Variants in PSMA6 observed in about 807,000 individuals in gnomAD.
PSMA6 encodes proteasome 20S subunit alpha 6.
For missense variants in PSMA6, 170 were observed against 294.8 expected (o/e 0.58, Z 3.10); for synonymous variants, 88 against 97.7 (o/e 0.90, Z 0.59).
chr14:35,295,208 G>A (rs1285513164), intron 1 of PSMA6, among the ~76,000 whole-genome samples: 6 of 151,642 alleles, frequency 4.0e-5, no homozygotes, highest in African/African-American at 1.2e-4. Flanking sequence ...TTGTGCTGGC[G>A]TGCCTGTAGT....
chr14:35,312,506 CAAAAAA>C lies in PSMA6; in HGVS notation c.410-354_410-349del, dbSNP rs200184285. ...TGGGAGACAGAGCGAGAGTCTGTCT[CAAAAAA>C]AAAAAAAAAAAAAAAAAAAAGTGTT... On this transcript the variant is annotated intron_variant, in intron 4 of 6. Coordinates refer to ENST00000261479, the MANE Select transcript of PSMA6 (RefSeq NM_002791.3). Among the ~76,000 whole-genome samples, 232 of 100,232 alleles carry C rather than the reference CAAAAAA, an allele frequency of 2.3e-3. 1 individual carries two copies. The highest frequency in any genetic ancestry group is 0.012 in the Admixed American group (122 of 10,488). The allele number at this position is 100,232 out of a possible 152,430, so 65.8% of individuals were successfully genotyped here. A position where few individuals can be genotyped will look rare whatever the true frequency, so the allele number is the denominator to read the frequency against.
chr14:35,295,945 C>T (rs1395098224), intron 1 of PSMA6, among the ~76,000 whole-genome samples: 1 of 152,120 alleles, frequency 6.6e-6, no homozygotes, highest in African/African-American at 2.4e-5. Flanking sequence ...CTTGTAGGCC[C>T]TTCTCTTCTG....
chr14:35,313,587 A>T (rs937815484), intron 5 of PSMA6: 2 of 152,286 alleles, frequency 1.3e-5, no homozygotes, highest in African/African-American at 4.8e-5. Context: ...AAGCTAGTTC[A>T]TGTTCAGGAA....
chr14:35,310,905 C>G lies in PSMA6; in HGVS notation c.409+10C>G, dbSNP rs1258206338. 1.9e-6 allele frequency: 3 copies of G among 1,606,370 alleles called. No homozygotes were observed. The highest frequency in any genetic ancestry group is 4.5e-5 in the East Asian group (2 of 44,750). ...AGGCCTCTTGGTTGTTGTAAGTATGCTAAGAGGTCTCCCAAATAATTGATG... is the reference window on the plus strand; with the variant it reads ...AGGCCTCTTGGTTGTTGTAAGTATGGTAAGAGGTCTCCCAAATAATTGATG... On this transcript the variant is annotated intron_variant, in intron 4 of 6. Transcript: ENST00000261479.
chr14:35,280,358 T>C (rs563428190), intron 1 of PSMA6, among the ~76,000 whole-genome samples: 21 of 151,938 alleles, frequency 1.4e-4, no homozygotes, highest in African/African-American at 4.8e-4. Context: ...CCATCCACAT[T>C]TTGGTCTCAT....
chr14:35,316,750 C>G (rs975651308), intron 6 of PSMA6: 2 of 154,138 alleles, frequency 1.3e-5, no homozygotes, highest in Non-Finnish European at 2.9e-5. Flanking sequence ...CCTGTAGTCC[C>G]AGCTACTCAG....
chr14:35,291,559 C>G (rs942666804), upstream of PSMA6, among the ~76,000 whole-genome samples: 1 of 150,352 alleles, frequency 6.7e-6, no homozygotes, highest in South Asian at 2.2e-4. Flanking sequence ...CACTGTGGCT[C>G]AAGCCTGTAA....
chr14:35,314,500 G>C, intron 6 of PSMA6, 45 bp downstream of exon 6: 1 of 1,576,400 alleles, frequency 6.3e-7, no homozygotes, highest in Non-Finnish European at 8.6e-7. Context: ...AGGTGGAGGC[G>C]TGTGAGTCCA....
intron 6 of PSMA6, chr14:35,315,958 C>T (rs1176616224): frequency 6.6e-6 from 1 of 152,156 alleles, no homozygotes; most frequent in Non-Finnish European, 1.5e-5. Context: ...ATTTAAACTG[C>T]TTGATATTGC....
chr14:35,312,747 T>C (rs1174307609), intron 4 of PSMA6, 134 bp from the exon 5 acceptor site: 1 of 721,194 alleles, frequency 1.4e-6, no homozygotes, highest in South Asian at 2.5e-5. Context: ...TTATCAGTTT[T>C]CTTAAAGGAA....
At chr14:35,285,220 C>T (rs1176769045) in intron 1 of PSMA6, among the ~76,000 whole-genome samples, 1 of 151,974 alleles carries the variant, frequency 6.6e-6, no homozygotes, top group African/African-American at 2.4e-5. Flanking sequence ...GTGGTGCATG[C>T]CTGTAGTCCC....
intron 1 of PSMA6, among the ~76,000 whole-genome samples, chr14:35,294,798 A>G (rs1045608619): frequency 3.3e-5 from 5 of 151,980 alleles, no homozygotes; most frequent in African/African-American, 1.2e-4. Context: ...TAAAATATAT[A>G]CATAATCATA....
intron 1 of PSMA6, among the ~76,000 whole-genome samples, chr14:35,294,572 C>T (rs1212856984): frequency 6.6e-6 from 1 of 152,166 alleles, no homozygotes; most frequent in East Asian, 1.9e-4. Flanking sequence ...AAGTTGGGCT[C>T]ATAATAATTC....
intron 6 of PSMA6, chr14:35,315,339 G>T (rs969695493): frequency 6.6e-6 from 1 of 151,210 alleles, no homozygotes; most frequent in African/African-American, 2.4e-5. Flanking sequence ...TTGTTCTTTT[G>T]GTTGCCCACA....
intron 3 of PSMA6, chr14:35,310,398 C>T (rs983739004): frequency 2.0e-5 from 7 of 348,514 alleles, no homozygotes; most frequent in Non-Finnish European, 3.9e-5. Context: ...TCAAGTGATC[C>T]GCCTCTCTTG....
intron 1 of PSMA6, among the ~76,000 whole-genome samples, chr14:35,297,903 G>A (rs1000854013): frequency 1.3e-5 from 2 of 152,084 alleles, no homozygotes; most frequent in African/African-American, 4.8e-5. Flanking sequence ...TGGGGAAAAT[G>A]GTAGGGAAGG....
intron 6 of PSMA6, chr14:35,314,896 T>A (rs1169887091): frequency 6.5e-6 from 1 of 152,696 alleles, no homozygotes; most frequent in African/African-American, 2.4e-5. Context: ...TATCTAGAGA[T>A]CTTTGGAAAG....
At chr14:35,281,981 A>G (rs1394898778) in intron 1 of PSMA6, among the ~76,000 whole-genome samples, 1 of 151,916 alleles carries the variant, frequency 6.6e-6, no homozygotes, top group African/African-American at 2.4e-5. Context: ...GCTCTTTCCC[A>G]TTTACTTACA....
chr14:35,290,068 A>G (rs2051461519), upstream of PSMA6, among the ~76,000 whole-genome samples: 3 of 152,248 alleles, frequency 2.0e-5, no homozygotes, highest in East Asian at 3.9e-4. Flanking sequence ...TTGAGAGGGA[A>G]TAGATGAGAT....
Sources: gnomAD v4.1 joint callset for allele counts (sites outside exome capture counted in the v4.1 genomes callset) on GRCh38, gnomAD v4.1.1 for gene constraint, MANE v1.5 for transcripts, NCBI Gene and HGNC (gene_info 2026-07-23, HGNC 2026-07-21) for gene names.